The following PEAK1 variants were observed in gnomAD, a reference collection of about 807,000 sequenced individuals.
The protein encoded by PEAK1 is pseudopodium enriched atypical kinase 1.
PEAK1 carries 54 observed loss-of-function variants against 124.7 expected under a neutral mutation model. That is an observed-to-expected ratio of 0.43 (90% CI 0.35 to 0.54). PEAK1 has a LOEUF of 0.54. Among genes scored for constraint, PEAK1 ranks in the 20% least tolerant of loss-of-function variants. The pLI, the probability that PEAK1 is intolerant of heterozygous loss-of-function variation, is 0.01. For synonymous variants in PEAK1, 719 were observed against 760.0 expected (o/e 0.95, Z 0.89); for missense variants, 2,046 against 2,134.5 (o/e 0.96, Z 0.82).
chr15:77,171,869 CTAAA>C (rs1441170333), intron 7 of PEAK1, among the ~76,000 whole-genome samples: 2 of 151,838 alleles, frequency 1.3e-5, no homozygotes, highest in East Asian at 1.9e-4. Flanking sequence ...TAAATAGTAC[CTAAA>C]TAATATTTTT....
intron 6 of PEAK1, among the ~76,000 whole-genome samples, chr15:77,246,622 C>T (rs935451129): frequency 6.6e-6 from 1 of 152,116 alleles, no homozygotes; most frequent in Non-Finnish European, 1.5e-5. Context: ...ATTATCAGCA[C>T]AGATGTTGCA....
intron 1 of PEAK1, among the ~76,000 whole-genome samples, chr15:77,372,962 T>C (rs1248236316): frequency 6.6e-6 from 1 of 152,216 alleles, no homozygotes; most frequent in African/African-American, 2.4e-5. Flanking sequence ...GATGGCCAGC[T>C]TCCTATACAA....
chr15:77,420,709 G>A (rs529150690), upstream of PEAK1: 5 of 395,712 alleles, frequency 1.3e-5, no homozygotes, highest in East Asian at 7.2e-5. Context: ...GCCGCATTGG[G>A]GCAAAATAAT....
intron 1 of PEAK1, among the ~76,000 whole-genome samples, chr15:77,367,235 CAGAAG>C (rs1182963072): frequency 6.6e-6 from 1 of 152,126 alleles, no homozygotes; most frequent in East Asian, 1.9e-4. Flanking sequence ...TAATGACTAA[CAGAAG>C]AAACTGTGTA....
chr15:77,270,211 A>G (rs2061957949), intron 5 of PEAK1, among the ~76,000 whole-genome samples: 1 of 152,130 alleles, frequency 6.6e-6, no homozygotes, highest in Non-Finnish European at 1.5e-5. Context: ...CCCTTTGAAA[A>G]CTGGCACAAG....
intron 1 of PEAK1, among the ~76,000 whole-genome samples, chr15:77,372,414 AT>A (rs2068708702): frequency 6.6e-6 from 1 of 152,136 alleles, no homozygotes; most frequent in Admixed American, 6.5e-5. Context: ...TAGTTTCATG[AT>A]GTCAGCCAAA....
chr15:77,138,857 G>C (rs1428957130), intron 8 of PEAK1, among the ~76,000 whole-genome samples: 1 of 93,044 alleles, frequency 1.1e-5, no homozygotes, highest in Non-Finnish European at 2.5e-5. Context: ...GCGAGACTCT[G>C]TCTCAAAAAA....
chr15:77,196,920 G>C (rs934829365), intron 6 of PEAK1, among the ~76,000 whole-genome samples: 11 of 152,086 alleles, frequency 7.2e-5, no homozygotes, highest in African/African-American at 2.7e-4. Flanking sequence ...TGCGATCATG[G>C]CTCACTGCAG....
At chr15:77,232,538 G>A (rs1273060481) in intron 6 of PEAK1, among the ~76,000 whole-genome samples, 2 of 152,048 alleles carry the variant, frequency 1.3e-5, no homozygotes, top group Admixed American at 1.3e-4. Context: ...ATACTTCAGC[G>A]GAAAAATAGA....
intron 1 of PEAK1, 27 bp from the exon 2 acceptor site, chr15:77,365,252 A>T (rs910171762): frequency 2.1e-6 from 2 of 939,626 alleles, no homozygotes; most frequent in Non-Finnish European, 1.3e-6. Flanking sequence ...AAACAGAAAA[A>T]GACATGGTCA....
At chr15:77,418,965 C>T in intron 1 of PEAK1, 1 of 985,178 alleles carries the variant, frequency 1.0e-6, no homozygotes, top group Non-Finnish European at 1.2e-6. Context: ...TTATGTAAGT[C>T]TCTAAGTATT....
At chr15:77,120,398 T>C (rs2051806582) in intron 9 of PEAK1, among the ~76,000 whole-genome samples, 1 of 152,138 alleles carries the variant, frequency 6.6e-6, no homozygotes, top group African/African-American at 2.4e-5. Context: ...AAACCTGAAC[T>C]CTCCGTCCCA....
At chr15:77,265,877 C>A (rs1438985212) in intron 5 of PEAK1, among the ~76,000 whole-genome samples, 1 of 152,046 alleles carries the variant, frequency 6.6e-6, no homozygotes, top group Non-Finnish European at 1.5e-5. Context: ...CAATGATAGA[C>A]TGGATTAAGA....
At chr15:77,397,505 G>T (rs1233804791) in intron 1 of PEAK1, among the ~76,000 whole-genome samples, 1 of 151,806 alleles carries the variant, frequency 6.6e-6, no homozygotes, top group Non-Finnish European at 1.5e-5. Context: ...GAAATGAAAT[G>T]TTGGTTTTTT....
At chr15:77,337,872 C>G (rs907801263) in intron 2 of PEAK1, 1 of 985,248 alleles carries the variant, frequency 1.0e-6, no homozygotes, top group African/African-American at 1.7e-5. Flanking sequence ...AAATCAATTC[C>G]CTTGTCATAT....
intron 8 of PEAK1, among the ~76,000 whole-genome samples, chr15:77,137,657 T>C (rs889480561): frequency 7.2e-5 from 11 of 152,212 alleles, no homozygotes; most frequent in African/African-American, 2.7e-4. Flanking sequence ...ATCTAGGAAG[T>C]AATTAACTTG....
intron 6 of PEAK1, among the ~76,000 whole-genome samples, chr15:77,203,823 C>T (rs1294001754): frequency 1.3e-5 from 2 of 151,778 alleles, no homozygotes; most frequent in African/African-American, 4.8e-5. Flanking sequence ...TAAATGATAA[C>T]ATAGGAGAAA....
intron 7 of PEAK1, among the ~76,000 whole-genome samples, chr15:77,164,905 CTT>C (rs978671775): frequency 7.7e-5 from 11 of 142,398 alleles, no homozygotes; most frequent in Admixed American, 1.4e-4. Flanking sequence ...GGCTTTCTTT[CTT>C]TTTTTTTTTT....
rs2072504438 is a variant in PEAK1, at chr15:77,412,611, G to T, written c.-666+7395C>A. On this transcript the variant is annotated intron_variant, in intron 1 of 9. Coordinates refer to ENST00000682557, the MANE Select transcript of PEAK1 (RefSeq NM_001385026.1). ...TTACATAATTGTACATGGATACGTG[G>T]ATTAGTATACATACATGCATTTCCT... Among the ~76,000 whole-genome samples the T allele has an allele frequency of 2.6e-5, 4 of 152,082 alleles. No homozygotes were observed. The South Asian group carries it at 8.3e-4, about 32-fold the overall frequency.
Sources: gnomAD v4.1 joint callset for allele counts (sites outside exome capture counted in the v4.1 genomes callset) on GRCh38, gnomAD v4.1.1 for gene constraint, MANE v1.5 for transcripts, NCBI Gene and HGNC (gene_info 2026-07-23, HGNC 2026-07-21) for gene names.